The following PPARA variants were observed in gnomAD, a reference collection of about 807,000 sequenced individuals.
The protein encoded by PPARA is peroxisome proliferator-activated receptor alpha.
A neutral mutation model predicts 42.2 loss-of-function variants in PPARA; 22 were observed. That is an observed-to-expected ratio of 0.52 (90% CI 0.37 to 0.74). PPARA has a LOEUF of 0.74. Ranked by LOEUF, PPARA falls within the 30% of genes least tolerant of loss-of-function variation. The probability of loss-of-function intolerance (pLI) is 0.00; values close to 1 mark genes in which losing one functional copy is unlikely to be tolerated. For missense variants in PPARA, 465 were observed against 608.2 expected (o/e 0.76, Z 2.48); for synonymous variants, 242 against 239.3 (o/e 1.01, Z -0.10).
rs1936324466 is a variant in PPARA at position 46,239,782 on chromosome 22, A to T, written c.*4402A>T. On this transcript the variant is annotated 3_prime_UTR_variant, in exon 9 of 9. Coordinates refer to ENST00000407236, the MANE Select transcript of PPARA (RefSeq NM_005036.6). ...CAAAGCAAGCCCTGATGAAACCGCGACTTCCTAAGGTCTGTCTCCTCTGAA... is the reference window on the plus strand; with the variant it reads ...CAAAGCAAGCCCTGATGAAACCGCGTCTTCCTAAGGTCTGTCTCCTCTGAA... 2 of 163,954 alleles carry T rather than the reference A, an allele frequency of 1.2e-5. No individual in the cohort carries two copies. Among genetic ancestry groups the T allele is most frequent in the Non-Finnish European group, 1.3e-5 (1 of 76,600 alleles). 10.2% of individuals were successfully genotyped at this position (163,954 alleles called of 1,614,324 possible). A position where few individuals can be genotyped will look rare whatever the true frequency, so the allele number is the denominator to read the frequency against.
At position 46,241,927 on chromosome 22, in the gene PPARA, AAAAAG is replaced by A. The variant is rs925731479; in HGVS notation, c.*6549_*6553del. On this transcript the variant is annotated 3_prime_UTR_variant, in exon 9 of 9. Coordinates refer to ENST00000407236, the MANE Select transcript of PPARA (RefSeq NM_005036.6). This position sits in a 1 kb window ranked among gnomAD's most constrained non-coding sequence, Gnocchi z 5.7. ...ATGGATTATTTGAAAAAAAAAAAAA[AAAAAG>A]AGAGAAAAAATAATTGATTTTTACA... The A allele has an allele frequency of 4.0e-5, 6 of 151,890 alleles. No individual in the cohort carries two copies. Among genetic ancestry groups the A allele is most frequent in the African/African-American group, 1.5e-4 (6 of 41,360 alleles). The allele number at this position is 151,890 out of a possible 1,614,324, so 9.4% of individuals were successfully genotyped here.
At chr22:46,209,980 A>G (rs955507670) in intron 4 of PPARA, among the ~76,000 whole-genome samples, 5 of 152,080 alleles carry the variant, frequency 3.3e-5, no homozygotes, top group Admixed American at 2.6e-4. Flanking sequence ...CCTGGGTTCA[A>G]ACAATCCTCC....
chr22:46,216,466 G>A lies in PPARA; in HGVS notation c.369+1133G>A, dbSNP rs530122674. Among the ~76,000 whole-genome samples, 21 of 152,152 alleles carry A rather than the reference G, an allele frequency of 1.4e-4. No individual in the cohort carries two copies. Among genetic ancestry groups the A allele is most frequent in the African/African-American group, 2.2e-4 (9 of 41,510 alleles). ...GAATACAAGACAGAGAGCTGTTACC[G>A]TTGATCTCTGGAGCCTCCCTGAAGG... On this transcript the variant is annotated intron_variant, in intron 5 of 8. Transcript: ENST00000407236. This position sits in a 1 kb window ranked among gnomAD's most constrained non-coding sequence, Gnocchi z 4.5.
chr22:46,214,228 C>T (rs1268106564), intron 4 of PPARA, among the ~76,000 whole-genome samples: 1 of 152,058 alleles, frequency 6.6e-6, no homozygotes, highest in East Asian at 1.9e-4. Context: ...GAGGTATGGG[C>T]GGTATGGCAA....
intron 7 of PPARA, among the ~76,000 whole-genome samples, chr22:46,228,878 G>A (rs1200368277): frequency 5.9e-5 from 9 of 152,108 alleles, no homozygotes; most frequent in Non-Finnish European, 8.8e-5. Flanking sequence ...GCTGAGGTGG[G>A]CGGATCACGA....
In PPARA at chr22:46,222,074, C is replaced by T. The variant is rs964631721; in HGVS notation, c.711+2060C>T. 1.3e-5 allele frequency among the ~76,000 whole-genome samples: 2 copies of T among 149,946 alleles called. No homozygotes were observed. The highest frequency in any genetic ancestry group is 4.9e-5 in the African/African-American group (2 of 40,438). On this transcript the variant is annotated intron_variant, in intron 7 of 8. Transcript: ENST00000407236. The surrounding 1 kb of genome is among the most constrained non-coding windows in gnomAD (Gnocchi z 5.9). ...CTTGGGCAACAGAGTGAGACTCTGTCTCAAAAAAAAAAAGAAAGGAAAAGA... is the reference window on the plus strand; with the variant it reads ...CTTGGGCAACAGAGTGAGACTCTGTTTCAAAAAAAAAAAGAAAGGAAAAGA...
At chr22:46,220,091 G>A (rs772491806) in intron 7 of PPARA, 77 bp downstream of exon 7, 3 of 1,474,998 alleles carry the variant, frequency 2.0e-6, no homozygotes, top group African/African-American at 1.4e-5. Context: ...GGACACATGT[G>A]TTGAATGTTG....
chr22:46,173,958 A>C lies in PPARA; in HGVS notation c.-126-2795A>C, dbSNP rs994702200. ...AGTGGCTCATGCCTGTAATCCCAGC[A>C]CTTTGGGAGGCCGAGGTGGGTGGAT... On this transcript the variant is annotated intron_variant, in intron 2 of 8. Coordinates refer to ENST00000407236, the MANE Select transcript of PPARA (RefSeq NM_005036.6). The surrounding 1 kb of genome is among the most constrained non-coding windows in gnomAD (Gnocchi z 4.3). Among the ~76,000 whole-genome samples, 2 of 141,356 alleles carry C rather than the reference A, an allele frequency of 1.4e-5. No individual in the cohort carries two copies. The highest frequency in any genetic ancestry group is 3.1e-5 in the Non-Finnish European group (2 of 65,390). 92.7% of individuals were successfully genotyped at this position (141,356 alleles called of 152,430 possible).
Position 46,231,688 on chromosome 22 carries a change from T to G in PPARA, c.712-104T>G. ...GGGTATCTTGAGTCCTCTGAGGCAC[T>G]GAGCTTGGTGATTTGGACGCAGGAG... On this transcript the variant is annotated intron_variant, in intron 7 of 8. Coordinates refer to ENST00000407236, the MANE Select transcript of PPARA (RefSeq NM_005036.6). The surrounding 1 kb of genome is among the most constrained non-coding windows in gnomAD (Gnocchi z 7.7). 1 of 1,224,402 alleles carries G rather than the reference T, an allele frequency of 8.2e-7. No homozygotes were observed. 75.8% of individuals were successfully genotyped at this position (1,224,402 alleles called of 1,614,324 possible).
chr22:46,157,642 C>T (rs1925521534), intron 2 of PPARA, among the ~76,000 whole-genome samples: 1 of 152,156 alleles, frequency 6.6e-6, no homozygotes, highest in Admixed American at 6.6e-5. Context: ...TTTCTTTCTG[C>T]AAGATCATGG....
rs1231772233 is a variant in PPARA at position 46,150,542 on chromosome 22, C to CGCGGCGGGGGCAGCGG, written c.-308_-293dup. The CGCGGCGGGGGCAGCGG allele has an allele frequency of 1.5e-4, 22 of 141,988 alleles. No individual in the cohort carries two copies. The highest frequency in any genetic ancestry group is 2.5e-4 in the Non-Finnish European group (16 of 64,400). The allele number at this position is 141,988 out of a possible 1,614,324, so 8.8% of individuals were successfully genotyped here. A position where few individuals can be genotyped will look rare whatever the true frequency, so the allele number is the denominator to read the frequency against. The stretch of plus-strand genomic sequence containing the variant: ...GCATGGGCCGTGGACGCGGCGGCCC[C>CGCGGCGGGGGCAGCGG]GCGGCGGGGGCAGCGGGCGGCGGGG... On this transcript the variant is annotated 5_prime_UTR_variant, in exon 1 of 9. Transcript: ENST00000407236. The surrounding 1 kb of genome is among the most constrained non-coding windows in gnomAD (Gnocchi z 7.5).
intron 3 of PPARA, among the ~76,000 whole-genome samples, chr22:46,194,379 A>C (rs1477298139): frequency 6.6e-6 from 1 of 152,180 alleles, no homozygotes; most frequent in Non-Finnish European, 1.5e-5. Flanking sequence ...AACTCCCTGA[A>C]TATAACGACA....
rs1462311913 is a variant in PPARA at position 46,216,465 on chromosome 22, C to T, written c.369+1132C>T. ...CGAATACAAGACAGAGAGCTGTTAC[C>T]GTTGATCTCTGGAGCCTCCCTGAAG... On this transcript the variant is annotated intron_variant, in intron 5 of 8. Transcript: ENST00000407236. The surrounding 1 kb of genome is among the most constrained non-coding windows in gnomAD (Gnocchi z 4.5). Among the ~76,000 whole-genome samples, 1 of 152,248 alleles carries T rather than the reference C, an allele frequency of 6.6e-6. No individual in the cohort carries two copies. The highest frequency in any genetic ancestry group is 2.4e-5 in the African/African-American group (1 of 41,546).
At position 46,231,952 on chromosome 22, in the gene PPARA, C is replaced by T. The variant is rs1156279104; in HGVS notation, c.872C>T (p.Ala291Val). The T allele has an allele frequency of 6.2e-7, 1 of 1,614,234 alleles. No homozygotes were observed. Residue 291 changes from alanine (A) to valine (V), a missense_variant, in exon 8 of 9, where the codon GCC becomes GTC. Ala to Val is a moderately conservative substitution (Grantham distance 64, BLOSUM62 0). Coordinates refer to ENST00000407236, the MANE Select transcript of PPARA (RefSeq NM_005036.6). The surrounding 1 kb of genome is among the most constrained non-coding windows in gnomAD (Gnocchi z 7.7). ...ACCGTCACGGAGCTCACGGAATTCG[C>T]CAAGGCCATCCCAGGCTTCGCAAAC... ...VETVTELTEFAKAIPGFANLD... is the reference protein window; with the variant it reads ...VETVTELTEFVKAIPGFANLD...
At chr22:46,215,879 C>T (rs1934439925) in intron 5 of PPARA, among the ~76,000 whole-genome samples, 1 of 152,152 alleles carries the variant, frequency 6.6e-6, no homozygotes, top group Admixed American at 6.5e-5. Context: ...GCTTGTACGC[C>T]CCTTATGAGA....
In PPARA at chr22:46,193,074, G is replaced by T. The variant is rs532899217; in HGVS notation, c.-42-5268G>T. On this transcript the variant is annotated intron_variant, in intron 3 of 8. Transcript: ENST00000407236. The surrounding 1 kb of genome is among the most constrained non-coding windows in gnomAD (Gnocchi z 5.3). Reference sequence around the variant, plus strand: ...CTAGGTTTTTTGTTGTTTTGTTGTTGTTGTTGTTTTGAGACAGAGTCTCAC... The same window carrying T: ...CTAGGTTTTTTGTTGTTTTGTTGTTTTTGTTGTTTTGAGACAGAGTCTCAC... Among the ~76,000 whole-genome samples, 3 of 152,154 alleles carry T rather than the reference G, an allele frequency of 2.0e-5. No individual in the cohort carries two copies. In the East Asian group the frequency reaches 5.8e-4, roughly 29 times the overall value.
In PPARA at chr22:46,193,888, C is replaced by T. The variant is rs1931876928; in HGVS notation, c.-42-4454C>T. Among the ~76,000 whole-genome samples, 1 of 152,214 alleles carries T rather than the reference C, an allele frequency of 6.6e-6. No homozygotes were observed. Reference sequence around the variant, plus strand: ...TGAGAAAAGGGATGGTTGGTTATGCCTTGATCCCCCCCAGAGCATTTGGGG... The same window carrying T: ...TGAGAAAAGGGATGGTTGGTTATGCTTTGATCCCCCCCAGAGCATTTGGGG... On this transcript the variant is annotated intron_variant, in intron 3 of 8. Coordinates refer to ENST00000407236, the MANE Select transcript of PPARA (RefSeq NM_005036.6). This position sits in a 1 kb window ranked among gnomAD's most constrained non-coding sequence, Gnocchi z 5.3.
intron 2 of PPARA, among the ~76,000 whole-genome samples, chr22:46,166,232 T>C (rs1401848358): frequency 6.6e-6 from 1 of 152,174 alleles, no homozygotes; most frequent in Non-Finnish European, 1.5e-5. Flanking sequence ...TCCCTGAGCA[T>C]CTGTCGGTCA....
intron 4 of PPARA, among the ~76,000 whole-genome samples, chr22:46,208,902 G>A (rs949855829): frequency 1.1e-5 from 1 of 94,606 alleles, no homozygotes; most frequent in Non-Finnish European, 2.7e-5. Flanking sequence ...TAGTATTCGT[G>A]TGTGTGTGTG....
Sources: gnomAD v4.1 joint callset for allele counts (sites outside exome capture counted in the v4.1 genomes callset) on GRCh38, gnomAD v4.1.1 for gene constraint, Gnocchi (gnomAD v3.1) non-coding constraint, MANE v1.5 for transcripts, NCBI Gene and HGNC (gene_info 2026-07-23, HGNC 2026-07-21) for gene names.